Variants in YBEY observed in about 807,000 individuals in gnomAD.
YBEY encodes the protein ybeY metalloendoribonuclease, also known as endoribonuclease YbeY.
YBEY carries 15 observed loss-of-function variants against 13.5 expected under a neutral mutation model. The ratio of observed to expected loss-of-function variants is 1.11; its 90% CI spans 0.75 to 1.72. The LOEUF (loss-of-function observed/expected upper bound fraction) is 1.72, where lower values mean the gene tolerates loss of function less well. Ranked by LOEUF, YBEY falls within the 40% of genes most tolerant of loss-of-function variation. The pLI, the probability that YBEY is intolerant of heterozygous loss-of-function variation, is 0.00. For synonymous variants in YBEY, 101 were observed against 83.1 expected (o/e 1.21, Z -1.17); for missense variants, 244 against 208.4 (o/e 1.17, Z -1.05).
chr21:46,305,327 CTTTT>C, the YBEY span, among the ~76,000 whole-genome samples: 3 of 109,174 alleles, frequency 2.7e-5, no homozygotes, highest in African/African-American at 3.7e-5. Flanking sequence ...ACAAATTAAT[CTTTT>C]TTTTTTTTTT....
Position 46,286,601 on chromosome 21 carries a change from G to C in YBEY, c.-45+186G>C, listed in dbSNP as rs552878620. ...CCTCCCCGCACCCCGCCGCGTCCGC[G>C]CGCCTCTCTCCGCGCGCACCCCCAA... On this transcript the variant is annotated intron_variant, in intron 1 of 4. Coordinates refer to ENST00000397701, the MANE Select transcript of YBEY (RefSeq NM_001314025.2). 173 of 121,712 alleles carry C rather than the reference G, an allele frequency of 1.4e-3. 1 individual carries two copies. Among genetic ancestry groups the C allele is most frequent in the African/African-American group, 5.1e-3 (163 of 32,096 alleles). The allele number at this position is 121,712 out of a possible 1,614,324, so 7.5% of individuals were successfully genotyped here. A position where few individuals can be genotyped will look rare whatever the true frequency, so the allele number is the denominator to read the frequency against.
At chr21:46,295,631 C>T (rs974476615) in intron 3 of YBEY, among the ~76,000 whole-genome samples, 10 of 152,118 alleles carry the variant, frequency 6.6e-5, no homozygotes, top group African/African-American at 9.7e-5. Flanking sequence ...CCTCCGCCTC[C>T]GCCTTCATAC....
intron 2 of YBEY, among the ~76,000 whole-genome samples, chr21:46,290,685 G>C (rs1008431033): frequency 1.3e-5 from 2 of 151,120 alleles, no homozygotes; most frequent in Non-Finnish European, 3.0e-5. Flanking sequence ...GAGGCAGGCA[G>C]ATCACCTGAG....
chr21:46,292,661 C>T (rs71319737), intron 3 of YBEY, among the ~76,000 whole-genome samples: 114 of 53,562 alleles, frequency 2.1e-3, no homozygotes, highest in East Asian at 0.011. Flanking sequence ...ATTCCTCCCG[C>T]GGTTAGCCTG....
chr21:46,303,816 A>G, the YBEY span, among the ~76,000 whole-genome samples: 2 of 131,158 alleles, frequency 1.5e-5, no homozygotes, highest in Non-Finnish European at 3.1e-5. Context: ...CAGTGGTGCG[A>G]TCTCGACTCA....
chr21:46,297,472 G>C, intron 4 of YBEY, 67 bp from the exon 5 acceptor site: 1 of 1,295,262 alleles, frequency 7.7e-7, no homozygotes, highest in Non-Finnish European at 9.9e-7. Flanking sequence ...ATCCCGAGGA[G>C]GCGACCCCAG....
At chr21:46,307,483 C>T in the YBEY span, among the ~76,000 whole-genome samples, 2 of 152,138 alleles carry the variant, frequency 1.3e-5, no homozygotes, top group Non-Finnish European at 2.9e-5. Flanking sequence ...TGCTTTTTAG[C>T]ACCTGACAGA....
the YBEY span, among the ~76,000 whole-genome samples, chr21:46,308,476 A>T: frequency 2.6e-5 from 4 of 152,118 alleles, no homozygotes; most frequent in Admixed American, 2.6e-4. Flanking sequence ...AAAAGAGTTA[A>T]ATCTCATATG....
intron 3 of YBEY, chr21:46,291,729 A>G: frequency 8.2e-7 from 1 of 1,215,942 alleles, no homozygotes; most frequent in Admixed American, 4.2e-5. Context: ...AGTAGAGCAG[A>G]CTATGTTGAG....
At chr21:46,298,596 A>C (rs1192203800), downstream of YBEY, among the ~76,000 whole-genome samples, 1 of 150,582 alleles carries the variant, frequency 6.6e-6, no homozygotes, top group African/African-American at 2.4e-5. Context: ...CGCCCGGCTA[A>C]TTTTTTGTAT....
At chr21:46,310,508 A>C in the YBEY span, among the ~76,000 whole-genome samples, 4 of 145,154 alleles carry the variant, frequency 2.8e-5, 1 homozygote, top group South Asian at 4.2e-4. Context: ...AAAAAAAAAA[A>C]ACAAAACTTG....
chr21:46,311,625 T>G, the YBEY span: 10 of 1,010,592 alleles, frequency 9.9e-6, no homozygotes, highest in Non-Finnish European at 1.3e-5. Context: ...GTGTCTCCAG[T>G]ATCTACCACC....
chr21:46,293,193 C>T (rs374065136), intron 3 of YBEY, among the ~76,000 whole-genome samples: 1 of 89,596 alleles, frequency 1.1e-5, no homozygotes, highest in Admixed American at 1.1e-4. Flanking sequence ...TAGCCTGACC[C>T]GTGCCCGGGA....
Position 46,291,404 on chromosome 21 carries a change from G to A in YBEY, c.281G>A (p.Gly94Glu), listed in dbSNP as rs777105670. The A allele has an allele frequency of 6.2e-7, 1 of 1,614,114 alleles. No individual in the cohort carries two copies. The highest frequency in any genetic ancestry group is 8.5e-7 in the Non-Finnish European group (1 of 1,180,014). ...TACAATTTGGGAGACATTTTCCTAG[G>A]AGTGGAGTATATCTTCCATCAGTGT... Reference protein sequence around the residue: ...DDYNLGDIFLGVEYIFHQCKE... With the variant: ...DDYNLGDIFLEVEYIFHQCKE... Residue 94 changes from glycine to glutamate, a missense_variant, in exon 3 of 5, where the codon GGA becomes GAA. Coordinates refer to ENST00000397701, the MANE Select transcript of YBEY (RefSeq NM_001314025.2).
the YBEY span, among the ~76,000 whole-genome samples, chr21:46,308,243 A>C: frequency 6.6e-6 from 1 of 152,098 alleles, no homozygotes; most frequent in African/African-American, 2.4e-5. Flanking sequence ...GGGGCAGATC[A>C]CGAGGTCAGG....
At chr21:46,312,995 C>G in the YBEY span, 1 of 985,394 alleles carries the variant, frequency 1.0e-6, no homozygotes, top group Non-Finnish European at 1.2e-6. Flanking sequence ...CTGTTTTATC[C>G]TCTTCTAGCT....
At chr21:46,297,988 T>G (rs1393799954), downstream of YBEY, among the ~76,000 whole-genome samples, 4 of 91,632 alleles carry the variant, frequency 4.4e-5, no homozygotes, top group African/African-American at 1.2e-4. Flanking sequence ...CAGTATTTCC[T>G]GCTTTTACCT....
At chr21:46,301,935 GC>G, downstream of YBEY, 1 of 1,418,678 alleles carries the variant, frequency 7.0e-7, no homozygotes. Flanking sequence ...TCCCGCCACA[GC>G]CCACAGCCCT....
the YBEY span, among the ~76,000 whole-genome samples, chr21:46,303,513 A>T: frequency 4.0e-5 from 6 of 151,420 alleles, no homozygotes; most frequent in Admixed American, 4.0e-4. Flanking sequence ...TGAAAGAAAA[A>T]TGGGCAAATT....
Sources: allele counts gnomAD v4.1 joint callset (sites outside exome capture counted in the v4.1 genomes callset), GRCh38; gene constraint gnomAD v4.1.1; transcripts MANE v1.5; gene names NCBI Gene and HGNC (gene_info 2026-07-23, HGNC 2026-07-21).